Variants in ITGA1 observed in about 807,000 individuals in gnomAD.
ITGA1 encodes the protein integrin subunit alpha 1.
ITGA1 carries 85 observed loss-of-function variants against 145.9 expected under a neutral mutation model. That is an observed-to-expected ratio of 0.58 (90% CI 0.49 to 0.70). ITGA1 has a LOEUF of 0.70. Among genes scored for constraint, ITGA1 ranks in the 30% least tolerant of loss-of-function variants. ITGA1 has a pLI of 0.00. For synonymous variants in ITGA1, 520 were observed against 495.3 expected (o/e 1.05, Z -0.66); for missense variants, 1,351 against 1,418.7 (o/e 0.95, Z 0.77).
At chr5:52,805,086 G>A (rs1327526279) in intron 1 of ITGA1, among the ~76,000 whole-genome samples, 1 of 152,158 alleles carries the variant, frequency 6.6e-6, no homozygotes, top group African/African-American at 2.4e-5. Flanking sequence ...AAAGGACACA[G>A]TGGTGAAAGG....
chr5:52,893,918 T>C (rs1436785959), intron 9 of ITGA1, 78 bp downstream of exon 9: 2 of 1,073,212 alleles, frequency 1.9e-6, no homozygotes, highest in Non-Finnish European at 2.7e-6. Context: ...TATTTATTCC[T>C]AATACATCAG....
chr5:52,826,675 G>A (rs965234403), intron 1 of ITGA1, among the ~76,000 whole-genome samples: 2 of 152,136 alleles, frequency 1.3e-5, no homozygotes, highest in Non-Finnish European at 2.9e-5. Context: ...AAATCCTAGG[G>A]CCCTTAAGCA....
At chr5:52,804,921 G>A (rs1748560710) in intron 1 of ITGA1, among the ~76,000 whole-genome samples, 1 of 151,958 alleles carries the variant, frequency 6.6e-6, no homozygotes, top group African/African-American at 2.4e-5. Flanking sequence ...TTAGATATGG[G>A]GTGTAAATAT....
intron 1 of ITGA1, among the ~76,000 whole-genome samples, chr5:52,841,557 C>A (rs980998601): frequency 6.6e-6 from 1 of 152,054 alleles, no homozygotes. Context: ...TTTACAGCAA[C>A]CATATACATC....
chr5:52,801,773 C>T (rs2111666351), intron 1 of ITGA1: 3 of 1,614,042 alleles, frequency 1.9e-6, no homozygotes, highest in Middle Eastern at 1.6e-4. Flanking sequence ...GGGGTAGCTG[C>T]CATTCTCCGC....
At chr5:52,927,543 C>A in intron 19 of ITGA1, 41 bp from the exon 20 acceptor site, 2 of 1,384,508 alleles carry the variant, frequency 1.4e-6, no homozygotes, top group South Asian at 1.2e-5. Context: ...CAATATTTCA[C>A]CTGCTTGTCC....
Position 52,939,123 on chromosome 5 carries a change from G to A in ITGA1, c.3079-467G>A, listed in dbSNP as rs180907534. Among the ~76,000 whole-genome samples the A allele has an allele frequency of 9.2e-5, 14 of 152,144 alleles. No individual in the cohort carries two copies. The Middle Eastern group carries it at 0.024, about 259-fold the overall frequency. On this transcript the variant is annotated intron_variant, in intron 24 of 28. Transcript: ENST00000282588. ...TCACCATGTTGGCCAGGCTGGTCTC[G>A]AACTCCTGACCTCAGGTGATCCACC...
intron 1 of ITGA1, among the ~76,000 whole-genome samples, chr5:52,794,528 C>CACAT (rs1423983658): frequency 2.6e-5 from 4 of 151,242 alleles, no homozygotes; most frequent in Non-Finnish European, 5.9e-5. Flanking sequence ...CACACACACA[C>CACAT]ACACACACTT....
intron 6 of ITGA1, among the ~76,000 whole-genome samples, chr5:52,870,253 G>A (rs1749757950): frequency 6.6e-6 from 1 of 152,126 alleles, no homozygotes; most frequent in African/African-American, 2.4e-5. Context: ...TCCACCCTAT[G>A]ATTGGCAGAA....
chr5:52,850,299 CGT>C (rs1749410177), intron 2 of ITGA1, among the ~76,000 whole-genome samples: 1 of 151,890 alleles, frequency 6.6e-6, no homozygotes, highest in Non-Finnish European at 1.5e-5. Flanking sequence ...AGCACCTGGC[CGT>C]AGATATGATT....
chr5:52,867,348 C>T (rs1257721050), intron 6 of ITGA1: 1 of 152,070 alleles, frequency 6.6e-6, no homozygotes, highest in East Asian at 1.9e-4. Flanking sequence ...AAATATCCTG[C>T]TGGACAATAG....
At chr5:52,852,753 ACCCT>A (rs1749448486) in intron 2 of ITGA1, among the ~76,000 whole-genome samples, 5 of 152,150 alleles carry the variant, frequency 3.3e-5, no homozygotes, top group African/African-American at 1.2e-4. Flanking sequence ...CCCACTTGCA[ACCCT>A]GGGCACTACC....
chr5:52,848,583 A>T (rs1327593603), intron 1 of ITGA1, among the ~76,000 whole-genome samples: 6 of 151,298 alleles, frequency 4.0e-5, no homozygotes, highest in African/African-American at 1.4e-4. Flanking sequence ...TATTATTATT[A>T]TTTTTTTATT....
At chr5:52,790,956 C>T (rs1339564083) in intron 1 of ITGA1, among the ~76,000 whole-genome samples, 1 of 152,100 alleles carries the variant, frequency 6.6e-6, no homozygotes, top group East Asian at 1.9e-4. Flanking sequence ...AAAAGAATTC[C>T]ACCTTTCCAT....
At chr5:52,934,257 C>T (rs992912135) in intron 23 of ITGA1, among the ~76,000 whole-genome samples, 2 of 150,984 alleles carry the variant, frequency 1.3e-5, no homozygotes, top group Non-Finnish European at 3.0e-5. Context: ...ATCTAAGCCT[C>T]TAATTTCCTC....
intron 6 of ITGA1, among the ~76,000 whole-genome samples, chr5:52,874,008 C>T (rs1473932723): frequency 6.6e-6 from 1 of 151,482 alleles, no homozygotes. Flanking sequence ...ACTAAATATA[C>T]TTATCCTAGT....
chr5:52,864,709 A>C, intron 3 of ITGA1, 54 bp from the exon 4 acceptor site: 5 of 1,128,588 alleles, frequency 4.4e-6, no homozygotes, highest in Non-Finnish European at 6.6e-6. Flanking sequence ...GAGATGCTTA[A>C]AATTTCACTT....
At chr5:52,821,228 G>A (rs1243193716) in intron 1 of ITGA1, among the ~76,000 whole-genome samples, 1 of 152,112 alleles carries the variant, frequency 6.6e-6, no homozygotes, top group Non-Finnish European at 1.5e-5. Flanking sequence ...GACTGTGACG[G>A]CCTTTAGTTT....
intron 1 of ITGA1, among the ~76,000 whole-genome samples, chr5:52,846,453 T>C (rs558252061): frequency 5.3e-5 from 8 of 152,114 alleles, no homozygotes; most frequent in African/African-American, 1.9e-4. Context: ...TATCTAAACA[T>C]AGAAAAGGTA....
Sources: gnomAD v4.1 joint callset for allele counts (sites outside exome capture counted in the v4.1 genomes callset) on GRCh38, gnomAD v4.1.1 for gene constraint, MANE v1.5 for transcripts, NCBI Gene and HGNC (gene_info 2026-07-23, HGNC 2026-07-21) for gene names.